The following PLA2G2C variants were observed in gnomAD, a reference collection of about 807,000 sequenced individuals.
PLA2G2C encodes phospholipase A2 group IIC, also known as putative inactive group IIC secretory phospholipase A2.
In PLA2G2C, 15 loss-of-function variants were observed where a neutral mutation model predicts 14.3. That is an observed-to-expected ratio of 1.05 (90% confidence interval 0.70 to 1.62). The LOEUF is 1.62. PLA2G2C is among the 40% of genes most tolerant of loss of function. The pLI, the probability that PLA2G2C is intolerant of heterozygous loss-of-function variation, is 0.00. For synonymous variants in PLA2G2C, 79 were observed against 67.7 expected, an observed-to-expected ratio of 1.17 and a Z score of -0.82; for missense variants, 162 against 173.2, an observed-to-expected ratio of 0.94 and a Z score of 0.36.
chr1:20,180,321 C>T (rs2100724922), intron 1 of PLA2G2C, among the ~76,000 whole-genome samples: 1 of 152,308 alleles, frequency 6.6e-6, no homozygotes, highest in South Asian at 2.1e-4. Context: ...GAGGAAGGAG[C>T]AGTGAACTCT....
At chr1:20,179,396 C>T (rs962930836) in intron 1 of PLA2G2C, among the ~76,000 whole-genome samples, 30 of 151,876 alleles carry the variant, frequency 2.0e-4, no homozygotes, top group African/African-American at 7.2e-4. Flanking sequence ...GTCAACTTCT[C>T]CCTTGTGTGT....
chr1:20,174,955 T>G, intron 3 of PLA2G2C, 52 bp downstream of exon 3: 1 of 1,527,742 alleles, frequency 6.5e-7, no homozygotes, highest in Non-Finnish European at 8.9e-7. Context: ...GCTTTGAGCA[T>G]GAACTTTAAT....
rs1207389222 is a variant in PLA2G2C, at chr1:20,186,427, GC to G, written c.-145del. On this transcript the variant is annotated 5_prime_UTR_variant, in exon 1 of 5. Transcript: ENST00000679259. The stretch of plus-strand genomic sequence containing the variant: ...GGGACCTATGCAACCGCTGGGCCAT[GC>G]CCTCCAGGCTGGGATGTAGCGACGG... 6.6e-6 allele frequency: 1 copy of G among 152,382 alleles called. No individual in the cohort carries two copies. Among genetic ancestry groups the G allele is most frequent in the Non-Finnish European group, 1.5e-5 (1 of 68,168 alleles). 9.4% of individuals were successfully genotyped at this position (152,382 alleles called of 1,614,324 possible).
intron 1 of PLA2G2C, among the ~76,000 whole-genome samples, chr1:20,179,212 C>CTG (rs35377696): frequency 0.43 from 65,011 of 149,698 alleles, 13,919 homozygotes; most frequent in South Asian, 0.55. Flanking sequence ...GTCAGTTTCT[C>CTG]TGTGTGTGTG....
chr1:20,164,929 T>G (rs1414286176), intron 4 of PLA2G2C, among the ~76,000 whole-genome samples: 1 of 152,254 alleles, frequency 6.6e-6, no homozygotes, highest in Non-Finnish European at 1.5e-5. Flanking sequence ...TCTTCCTCCT[T>G]CACGGAAGGA....
At chr1:20,165,797 TTGTG>T (rs1395659413) in intron 4 of PLA2G2C, among the ~76,000 whole-genome samples, 1 of 151,708 alleles carries the variant, frequency 6.6e-6, no homozygotes, top group Non-Finnish European at 1.5e-5. Context: ...TGTGCGTGCA[TTGTG>T]TGTTTGTGCG....
chr1:20,177,647 TG>T (rs1410142538), intron 1 of PLA2G2C, among the ~76,000 whole-genome samples: 1 of 151,354 alleles, frequency 6.6e-6, no homozygotes, highest in African/African-American at 2.5e-5. Flanking sequence ...AATGTTGGTT[TG>T]GTTTTTTTTT....
chr1:20,180,092 C>T (rs937413898), intron 1 of PLA2G2C, among the ~76,000 whole-genome samples: 1 of 151,900 alleles, frequency 6.6e-6, no homozygotes, highest in Non-Finnish European at 1.5e-5. Context: ...CAGCTTCTCC[C>T]TTGTGTGTTA....
At chr1:20,164,248 G>C in intron 4 of PLA2G2C, 91 bp from the exon 5 acceptor site, 1 of 1,336,968 alleles carries the variant, frequency 7.5e-7, no homozygotes, top group Middle Eastern at 2.7e-4. Flanking sequence ...CACTGTAAGG[G>C]GCCAAGGGTT....
At chr1:20,173,153 T>TA (rs1190174394) in intron 3 of PLA2G2C, among the ~76,000 whole-genome samples, 4 of 132,978 alleles carry the variant, frequency 3.0e-5, no homozygotes, top group South Asian at 2.5e-4. Context: ...TTTTTTAAGT[T>TA]TAAAAAAAAA....
intron 2 of PLA2G2C, 108 bp from the exon 3 acceptor site, chr1:20,175,253 G>A: frequency 6.6e-7 from 1 of 1,521,080 alleles, no homozygotes; most frequent in Non-Finnish European, 9.0e-7. Flanking sequence ...AATATCACCA[G>A]ATCCCCAAAG....
At chr1:20,185,642 C>G (rs1045744546) in intron 1 of PLA2G2C, among the ~76,000 whole-genome samples, 9 of 152,188 alleles carry the variant, frequency 5.9e-5, no homozygotes, top group African/African-American at 2.2e-4. Context: ...GATGGGGGCC[C>G]TGCTCCCCGC....
At chr1:20,174,050 G>A (rs774807891) in intron 3 of PLA2G2C, among the ~76,000 whole-genome samples, 40 of 152,258 alleles carry the variant, frequency 2.6e-4, no homozygotes, top group Middle Eastern at 3.4e-3. Flanking sequence ...TCACTGTCTC[G>A]TGCATTCCCT....
At chr1:20,179,248 TTC>T (rs1159552106) in intron 1 of PLA2G2C, among the ~76,000 whole-genome samples, 1 of 149,238 alleles carries the variant, frequency 6.7e-6, no homozygotes, top group Non-Finnish European at 1.5e-5. Context: ...TAGCTTGTTC[TTC>T]TGTGTCAGCT....
intron 1 of PLA2G2C, among the ~76,000 whole-genome samples, chr1:20,180,989 T>C (rs931602177): frequency 6.6e-6 from 1 of 152,200 alleles, no homozygotes; most frequent in African/African-American, 2.4e-5. Context: ...AGAGGTCAGG[T>C]CTGTTTTGTT....
intron 2 of PLA2G2C, 63 bp downstream of exon 2, chr1:20,177,261 C>T (rs542920495): frequency 1.4e-6 from 1 of 700,160 alleles, no homozygotes; most frequent in South Asian, 1.5e-5. Flanking sequence ...GAGAGTCCCC[C>T]CTCCCACTGA....
intron 4 of PLA2G2C, among the ~76,000 whole-genome samples, chr1:20,170,357 T>C (rs1240538495): frequency 2.0e-5 from 3 of 152,222 alleles, no homozygotes; most frequent in African/African-American, 7.2e-5. Flanking sequence ...AGTCTCTTCA[T>C]TGCTACAAGG....
chr1:20,182,122 A>G (rs1428793834), intron 1 of PLA2G2C, among the ~76,000 whole-genome samples: 1 of 152,218 alleles, frequency 6.6e-6, no homozygotes, highest in Non-Finnish European at 1.5e-5. Context: ...AAGACTGGAA[A>G]GCAGGCTATA....
In PLA2G2C at chr1:20,164,292, G is replaced by A. The variant is rs1226719515; in HGVS notation, c.284-135C>T. 1.9e-5 allele frequency: 16 copies of A among 836,592 alleles called. 1 individual carries two copies. The highest frequency in any genetic ancestry group is 1.3e-4 in the South Asian group (7 of 55,238). 51.8% of individuals were successfully genotyped at this position (836,592 alleles called of 1,614,324 possible). ...AAAGGAAAGCCACTGAAAGGGATAC[G>A]TGTATGCATATGTGTGCATGTGTGT... On this transcript the variant is annotated intron_variant, in intron 4 of 4. Coordinates refer to ENST00000679259, the MANE Select transcript of PLA2G2C (RefSeq NM_001367969.2).
Sources: gnomAD v4.1 joint callset for allele counts (sites outside exome capture counted in the v4.1 genomes callset) on GRCh38, gnomAD v4.1.1 for gene constraint, MANE v1.5 for transcripts, NCBI Gene and HGNC (gene_info 2026-07-23, HGNC 2026-07-21) for gene names.